SHANK2: variants seen among roughly 807,000 people sequenced by gnomAD.
SHANK2 encodes SH3 and multiple ankyrin repeat domains protein 2.
Under a neutral mutation model 133.7 loss-of-function variants are expected in SHANK2, and 43 were observed. That is an observed-to-expected ratio of 0.32 (90% confidence interval 0.25 to 0.41). SHANK2 has a LOEUF of 0.41. SHANK2 is among the 10% of genes least tolerant of loss of function. The pLI is 1.00. For missense variants in SHANK2, 1,994 were observed against 2,235.8 expected (o/e 0.89, Z 2.18); for synonymous variants, 1,017 against 952.8 (o/e 1.07, Z -1.24).
In SHANK2 at chr11:70,485,466, T is replaced by C. The variant is rs1418053610; in HGVS notation, c.4827A>G (p.Thr1609=). ...CTGAGAGAATCGGGCTTTTGATCTC[T>C]GTGACGTCGCCCCACAACTTGGAGG... ...PRTSKLWGDV[T]EIKSPILSGP... The change falls in exon 25 of 26, where the codon ACA becomes ACG. Residue 1609 remains threonine, a synonymous_variant. Coordinates refer to ENST00000601538, the MANE Select transcript of SHANK2 (RefSeq NM_012309.5). This position sits in a 1 kb window ranked among gnomAD's most constrained non-coding sequence, Gnocchi z 5.8. 1 of 1,613,820 alleles carries C rather than the reference T, an allele frequency of 6.2e-7. No homozygotes were observed. The highest frequency in any genetic ancestry group is 1.3e-5 in the African/African-American group (1 of 74,938).
chr11:71,226,438 A>C (rs1358370087), intron 1 of SHANK2: 2 of 152,376 alleles, frequency 1.3e-5, no homozygotes, highest in African/African-American at 4.8e-5. Flanking sequence ...ATAAACCTAC[A>C]GATTCCAGAA....
chr11:71,085,322 G>A (rs1260382355), intron 8 of SHANK2, among the ~76,000 whole-genome samples: 1 of 150,752 alleles, frequency 6.6e-6, no homozygotes, highest in African/African-American at 2.4e-5. Context: ...TGGGCGTGGT[G>A]GCACACGCCT....
At chr11:70,577,123 T>A (rs961009748) in intron 17 of SHANK2, among the ~76,000 whole-genome samples, 10 of 152,192 alleles carry the variant, frequency 6.6e-5, no homozygotes, top group Admixed American at 5.9e-4. Flanking sequence ...TCCCTCAGTC[T>A]GGATACAGTG....
intron 18 of SHANK2, 62 bp downstream of exon 18, chr11:70,502,734 C>CCGGG: frequency 1.5e-6 from 1 of 679,566 alleles, no homozygotes; most frequent in Non-Finnish European, 2.2e-6. Flanking sequence ...CTGTCCTGCC[C>CCGGG]GCCCCCACCC....
rs1156355131 is a variant in SHANK2 at position 71,073,147 on chromosome 11, C to CTTTTTTTTTTTTTGTTTTTTTTT, written c.1029+2011_1029+2012insAAAAAAAAACAAAAAAAAAAAAA. 3.2e-5 allele frequency among the ~76,000 whole-genome samples: 2 copies of CTTTTTTTTTTTTTGTTTTTTTTT among 62,716 alleles called. 1 individual carries two copies. The highest frequency in any genetic ancestry group is 7.8e-5 in the Non-Finnish European group (2 of 25,548). 41.1% of individuals were successfully genotyped at this position (62,716 alleles called of 152,430 possible). On this transcript the variant is annotated intron_variant, in intron 9 of 25. Coordinates refer to ENST00000601538, the MANE Select transcript of SHANK2 (RefSeq NM_012309.5). ...TTTTTGTTTTTTTTCTTTTTCTTTT[C>CTTTTTTTTTTTTTGTTTTTTTTT]TTTTTTTTCTTTTTTTTCTTTTTTT...
chr11:70,641,253 G>A (rs996046319), intron 17 of SHANK2, among the ~76,000 whole-genome samples: 4 of 151,912 alleles, frequency 2.6e-5, no homozygotes, highest in East Asian at 1.9e-4. Context: ...ATGCCACCAC[G>A]CCTGGATAAT....
intron 4 of SHANK2, among the ~76,000 whole-genome samples, chr11:71,115,689 G>A (rs1448513605): frequency 6.6e-6 from 1 of 152,100 alleles, no homozygotes; most frequent in Non-Finnish European, 1.5e-5. Context: ...AGAGAGCATG[G>A]GTGGCTGGCT....
chr11:70,557,123 C>T (rs983182231), intron 17 of SHANK2, among the ~76,000 whole-genome samples: 64 of 151,716 alleles, frequency 4.2e-4, no homozygotes, highest in Admixed American at 6.6e-4. Flanking sequence ...AAGTGCTCAC[C>T]ACATACCAGG....
intron 2 of SHANK2, among the ~76,000 whole-genome samples, chr11:71,186,824 G>C (rs1384327751): frequency 1.3e-5 from 2 of 152,198 alleles, no homozygotes; most frequent in African/African-American, 2.4e-5. Flanking sequence ...CCAGGACTTA[G>C]GGAAGGTGAT....
chr11:70,912,836 T>G (rs186282345), intron 10 of SHANK2, among the ~76,000 whole-genome samples: 10 of 152,202 alleles, frequency 6.6e-5, no homozygotes, highest in African/African-American at 2.2e-4. Flanking sequence ...GGGGTTTTAT[T>G]TGGTCAGCTT....
intron 15 of SHANK2, among the ~76,000 whole-genome samples, chr11:70,693,500 C>T (rs1945331997): frequency 6.6e-6 from 1 of 152,162 alleles, no homozygotes; most frequent in African/African-American, 2.4e-5. Context: ...TCCCTGGCAT[C>T]CCTACATAAA....
chr11:70,747,988 G>GAGGC (rs1946678902), intron 14 of SHANK2, among the ~76,000 whole-genome samples: 1 of 152,184 alleles, frequency 6.6e-6, no homozygotes, highest in Non-Finnish European at 1.5e-5. Context: ...GAGAGGGAAG[G>GAGGC]AGGCAGGAGA....
intron 12 of SHANK2, among the ~76,000 whole-genome samples, chr11:70,815,175 AAC>A (rs61610592): frequency 0.065 from 7,717 of 119,064 alleles, 276 homozygotes; most frequent in Non-Finnish European, 0.079. Context: ...TGGGAGAAGA[AAC>A]ACACACACAC....
At chr11:70,784,346 T>TTTTG (rs1555045926) in intron 14 of SHANK2, among the ~76,000 whole-genome samples, 4 of 114,550 alleles carry the variant, frequency 3.5e-5, no homozygotes, top group African/African-American at 1.7e-4. Flanking sequence ...CCGGCTAGTT[T>TTTTG]TTTTTTTTTT....
chr11:71,183,856 GT>G (rs1184227988), intron 2 of SHANK2, among the ~76,000 whole-genome samples: 15 of 152,328 alleles, frequency 9.8e-5, no homozygotes, highest in Admixed American at 2.0e-4. Flanking sequence ...ATGAGGCCAA[GT>G]TTATTGGGGA....
At chr11:70,696,693 A>G (rs1396320354) in intron 15 of SHANK2, among the ~76,000 whole-genome samples, 1 of 152,194 alleles carries the variant, frequency 6.6e-6, no homozygotes, top group Non-Finnish European at 1.5e-5. Context: ...TCTCCTGGCT[A>G]TGGCATTCCT....
chr11:70,784,180 C>CTTTTTTT (rs1160381914), intron 14 of SHANK2, among the ~76,000 whole-genome samples: 9 of 142,008 alleles, frequency 6.3e-5, no homozygotes, highest in Non-Finnish European at 1.4e-4. Context: ...GAAACCCCTG[C>CTTTTTTT]TTTTTTTTTT....
At chr11:70,684,224 T>G (rs1268175834) in intron 15 of SHANK2, among the ~76,000 whole-genome samples, 3 of 151,944 alleles carry the variant, frequency 2.0e-5, no homozygotes, top group African/African-American at 7.3e-5. Context: ...TCATCACCCT[T>G]GAAGTGTGAA....
chr11:71,251,262 A>G (rs1591053200), intron 1 of SHANK2, among the ~76,000 whole-genome samples: 2 of 152,042 alleles, frequency 1.3e-5, no homozygotes, highest in South Asian at 4.2e-4. Context: ...CCACGCGCCC[A>G]CCCACCTCGA....
Sources: gnomAD v4.1 joint callset for allele counts (sites outside exome capture counted in the v4.1 genomes callset) on GRCh38, gnomAD v4.1.1 for gene constraint, Gnocchi (gnomAD v3.1) non-coding constraint, MANE v1.5 for transcripts, NCBI Gene and HGNC (gene_info 2026-07-23, HGNC 2026-07-21) for gene names.